DNM3: variants seen among roughly 807,000 people sequenced by gnomAD.
DNM3 encodes dynamin 3.
Under a neutral mutation model 101.6 loss-of-function variants are expected in DNM3, and 47 were observed. The ratio of observed to expected loss-of-function variants is 0.46; its 90% CI spans 0.37 to 0.59. The LOEUF is 0.59. DNM3 is among the 20% of genes least tolerant of loss of function. The pLI, the probability that DNM3 is intolerant of heterozygous loss-of-function variation, is 0.00. For missense variants in DNM3, 849 were observed against 1,085.7 expected (o/e 0.78, Z 3.06); for synonymous variants, 385 against 387.9 (o/e 0.99, Z 0.09).
intron 1 of DNM3, among the ~76,000 whole-genome samples, chr1:171,858,600 A>G (rs2033855644): frequency 6.6e-6 from 1 of 152,196 alleles, no homozygotes; most frequent in Admixed American, 6.6e-5. Flanking sequence ...AAGGTTCCTA[A>G]GCTCCACTAA....
At chr1:172,191,066 T>G (rs9425248) in intron 14 of DNM3, among the ~76,000 whole-genome samples, 86,354 of 151,748 alleles carry the variant, frequency 0.57, 26,573 homozygotes, top group African/African-American at 0.81. Context: ...ATTGCTTTTG[T>G]TGTTTTAGTC....
At chr1:172,034,177 T>C (rs924013117) in intron 6 of DNM3, among the ~76,000 whole-genome samples, 1 of 152,088 alleles carries the variant, frequency 6.6e-6, no homozygotes, top group African/African-American at 2.4e-5. Flanking sequence ...AAATAAAAAA[T>C]TATGTTATAA....
chr1:172,160,683 A>G (rs2058514976), intron 14 of DNM3, among the ~76,000 whole-genome samples: 1 of 152,102 alleles, frequency 6.6e-6, no homozygotes, highest in Non-Finnish European at 1.5e-5. Context: ...GACAAAAAAC[A>G]GGTAGAAGGA....
At chr1:172,310,071 T>A (rs1020798844) in intron 16 of DNM3, 2 of 152,218 alleles carry the variant, frequency 1.3e-5, no homozygotes, top group Non-Finnish European at 2.9e-5. Flanking sequence ...CATATATGAT[T>A]TTCATAATTG....
At chr1:172,238,502 A>G (rs2061625429) in intron 14 of DNM3, among the ~76,000 whole-genome samples, 2 of 152,186 alleles carry the variant, frequency 1.3e-5, no homozygotes, top group South Asian at 4.1e-4. Flanking sequence ...ATTCTGTAGC[A>G]GGCATTAATT....
intron 16 of DNM3, among the ~76,000 whole-genome samples, chr1:172,319,047 C>A (rs1429305475): frequency 1.3e-5 from 2 of 151,932 alleles, no homozygotes; most frequent in Non-Finnish European, 2.9e-5. Context: ...GAGATATAGA[C>A]CAATGGAACA....
intron 4 of DNM3, among the ~76,000 whole-genome samples, chr1:172,028,744 A>G (rs763703439): frequency 6.6e-6 from 1 of 152,232 alleles, no homozygotes; most frequent in Non-Finnish European, 1.5e-5. Flanking sequence ...CTGATCCCAC[A>G]GAAATACAAA....
At chr1:172,045,573 G>A (rs894376046) in intron 9 of DNM3, among the ~76,000 whole-genome samples, 2 of 152,180 alleles carry the variant, frequency 1.3e-5, no homozygotes, top group African/African-American at 4.8e-5. Flanking sequence ...AACATATGAA[G>A]TTTTAGGGGA....
intron 6 of DNM3, among the ~76,000 whole-genome samples, chr1:172,035,972 T>C (rs1449576333): frequency 6.6e-6 from 1 of 152,128 alleles, no homozygotes; most frequent in African/African-American, 2.4e-5. Flanking sequence ...CTGGATATGT[T>C]AATTCTCCTT....
chr1:172,322,949 C>T (rs1215136072), intron 16 of DNM3, among the ~76,000 whole-genome samples: 1 of 152,048 alleles, frequency 6.6e-6, no homozygotes, highest in Non-Finnish European at 1.5e-5. Context: ...CAAGCCGGCA[C>T]ACAAAATGCT....
chr1:172,041,937 A>G lies in DNM3; in HGVS notation c.993-72A>G, dbSNP rs1026396828. On this transcript the variant is annotated intron_variant, in intron 7 of 20. Coordinates refer to ENST00000627582, the MANE Select transcript of DNM3 (RefSeq NM_015569.5). ...TGGAAAAGGATTCTAAGGAATAATC[A>G]TAGGAAAAGAAAATGAAGAGTGCAA... 3.4e-6 allele frequency: 5 copies of G among 1,478,250 alleles called. No homozygotes were observed. In the African/African-American group the frequency reaches 7.0e-5, roughly 21 times the overall value. 91.6% of individuals were successfully genotyped at this position (1,478,250 alleles called of 1,614,324 possible).
At chr1:171,865,547 A>G (rs1009560153) in intron 1 of DNM3, among the ~76,000 whole-genome samples, 6 of 151,714 alleles carry the variant, frequency 4.0e-5, no homozygotes, top group South Asian at 2.1e-4. Flanking sequence ...AAAAGAATGA[A>G]AAAAGAACTG....
At chr1:172,171,914 G>A (rs558496) in intron 14 of DNM3, among the ~76,000 whole-genome samples, 4,822 of 151,578 alleles carry the variant, frequency 0.032, 259 homozygotes, top group African/African-American at 0.11. Context: ...AGGGGATGGG[G>A]GATTATATTC....
At chr1:171,871,943 A>AT (rs66674481) in intron 1 of DNM3, among the ~76,000 whole-genome samples, 3,076 of 141,780 alleles carry the variant, frequency 0.022, 98 homozygotes, top group African/African-American at 0.075. Flanking sequence ...AGAGGTAGTA[A>AT]TTTTTTTTTT....
At chr1:172,231,058 T>G (rs917857416) in intron 14 of DNM3, among the ~76,000 whole-genome samples, 1 of 151,824 alleles carries the variant, frequency 6.6e-6, no homozygotes, top group African/African-American at 2.4e-5. Context: ...ACCATCAATA[T>G]GCCATATTTA....
chr1:172,270,558 T>A (rs537190827), intron 15 of DNM3, among the ~76,000 whole-genome samples: 1 of 152,264 alleles, frequency 6.6e-6, no homozygotes, highest in African/African-American at 2.4e-5. Context: ...ATAAATTATA[T>A]TATTCTGCTT....
chr1:172,232,772 C>T (rs1409246821), intron 14 of DNM3, among the ~76,000 whole-genome samples: 1 of 152,180 alleles, frequency 6.6e-6, no homozygotes, highest in East Asian at 1.9e-4. Flanking sequence ...ACTGAACAAC[C>T]TGCTCCTGAA....
chr1:172,022,419 A>G (rs186110772), intron 4 of DNM3, among the ~76,000 whole-genome samples: 175 of 152,206 alleles, frequency 1.1e-3, no homozygotes, highest in African/African-American at 4.0e-3. Context: ...TAAGCTGCCT[A>G]TTTGTGTAAC....
chr1:172,237,057 C>T (rs1159386175), intron 14 of DNM3, among the ~76,000 whole-genome samples: 1 of 152,122 alleles, frequency 6.6e-6, no homozygotes, highest in Non-Finnish European at 1.5e-5. Context: ...CAGCATTTTA[C>T]CAACCCAGTT....
Sources: allele counts gnomAD v4.1 joint callset (sites outside exome capture counted in the v4.1 genomes callset), GRCh38; gene constraint gnomAD v4.1.1; transcripts MANE v1.5; gene names NCBI Gene and HGNC (gene_info 2026-07-23, HGNC 2026-07-21).